Variants in GAS7 observed in about 807,000 individuals in gnomAD.
GAS7 encodes the protein growth arrest specific 7, also known as growth arrest-specific protein 7.
A neutral mutation model predicts 71.1 loss-of-function variants in GAS7; 28 were observed. The ratio of observed to expected loss-of-function variants is 0.39; its 90% CI spans 0.29 to 0.54. GAS7 has a LOEUF of 0.54. GAS7 is among the 20% of genes least tolerant of loss of function. The pLI, the probability that GAS7 is intolerant of heterozygous loss-of-function variation, is 0.62. For missense variants in GAS7, 436 were observed against 627.8 expected (o/e 0.69, Z 3.27); for synonymous variants, 258 against 245.8 (o/e 1.05, Z -0.46).
intron 1 of GAS7, among the ~76,000 whole-genome samples, chr17:10,072,683 C>T (rs1328652629): frequency 1.3e-5 from 2 of 152,160 alleles, no homozygotes; most frequent in South Asian, 4.1e-4. Context: ...ACAACCCTAC[C>T]CCGATCCACA....
intron 1 of GAS7, chr17:10,036,517 C>A (rs2072755729): frequency 2.5e-6 from 4 of 1,608,392 alleles, no homozygotes; most frequent in South Asian, 1.1e-5. Flanking sequence ...AGACTCAGCA[C>A]CAAGACTCCG....
chr17:9,960,129 T>TA (rs895652344), intron 4 of GAS7, among the ~76,000 whole-genome samples: 4 of 151,946 alleles, frequency 2.6e-5, no homozygotes, highest in Non-Finnish European at 5.9e-5. Flanking sequence ...GAAGCAGGCT[T>TA]ACCCCTAAGG....
intron 3 of GAS7, among the ~76,000 whole-genome samples, chr17:9,971,539 CA>C (rs1344890536): frequency 6.6e-6 from 1 of 152,090 alleles, no homozygotes; most frequent in African/African-American, 2.4e-5. Context: ...CACTCCAGCC[CA>C]CACTTCAGAG....
In GAS7 at chr17:9,981,778, G is replaced by T; in HGVS notation, c.385+26C>A. On this transcript the variant is annotated intron_variant, in intron 3 of 13. Coordinates refer to ENST00000432992, the MANE Select transcript of GAS7 (RefSeq NM_201433.2). The surrounding 1 kb of genome is among the most constrained non-coding windows in gnomAD (Gnocchi z 4.4). ...ATGTGGCATCAGGGCCCTCCCAGTT[G>T]CCCCAAAGCAGACAGCGGACATTAC... 3.0e-6 allele frequency: 4 copies of T among 1,326,298 alleles called. No individual in the cohort carries two copies. Among genetic ancestry groups the T allele is most frequent in the Non-Finnish European group, 4.4e-6 (4 of 917,626 alleles). The allele number at this position is 1,326,298 out of a possible 1,614,324, so 82.2% of individuals were successfully genotyped here.
intron 1 of GAS7, among the ~76,000 whole-genome samples, chr17:10,128,503 C>T (rs1016773801): frequency 6.6e-6 from 1 of 152,204 alleles, no homozygotes. Flanking sequence ...CAAATGCCTC[C>T]CCCTCTCACC....
chr17:10,158,348 A>AAAAAAAAAC (rs1567614084), intron 1 of GAS7, among the ~76,000 whole-genome samples: 1 of 146,244 alleles, frequency 6.8e-6, no homozygotes, highest in East Asian at 2.0e-4. Context: ...AAAAAAAAAA[A>AAAAAAAAAC]AAAAAAAAAA....
At chr17:10,049,609 C>CT (rs1168627510) in intron 1 of GAS7, among the ~76,000 whole-genome samples, 3,579 of 70,362 alleles carry the variant, frequency 0.051, 1,011 homozygotes, top group East Asian at 0.11. Flanking sequence ...GAAATTACTT[C>CT]TTTTTTTTTT....
intron 2 of GAS7, among the ~76,000 whole-genome samples, chr17:10,016,601 CCA>C (rs1567542404): frequency 3.5e-5 from 2 of 57,136 alleles, no homozygotes; most frequent in South Asian, 1.1e-3. Flanking sequence ...CCTGTCTCTA[CCA>C]AAAAAAAAAA....
intron 9 of GAS7, among the ~76,000 whole-genome samples, chr17:9,930,268 T>C (rs979464186): frequency 6.6e-5 from 10 of 152,244 alleles, no homozygotes; most frequent in Admixed American, 2.6e-4. Flanking sequence ...AGGTTCTGAA[T>C]GCTCACATAA....
intron 1 of GAS7, among the ~76,000 whole-genome samples, chr17:10,024,583 G>A (rs2072395490): frequency 6.6e-6 from 1 of 152,078 alleles, no homozygotes; most frequent in Non-Finnish European, 1.5e-5. Context: ...CCTAATACAG[G>A]GTGTCTTTGT....
intron 2 of GAS7, among the ~76,000 whole-genome samples, chr17:10,016,752 AAT>A (rs2072036982): frequency 1.8e-4 from 1 of 5,700 alleles, no homozygotes; most frequent in African/African-American, 2.9e-3. Flanking sequence ...CTCTACAAAA[AAT>A]AATAATAATA....
At chr17:10,013,888 G>A (rs1426857031) in intron 2 of GAS7, among the ~76,000 whole-genome samples, 2 of 152,076 alleles carry the variant, frequency 1.3e-5, no homozygotes, top group African/African-American at 2.4e-5. Flanking sequence ...GCAAGGCCCC[G>A]GGTGATCTTC....
At position 10,198,255 on chromosome 17, in the gene GAS7, C is replaced by T. The variant is rs545707468; in HGVS notation, c.136G>A (p.Asp46Asn). 3.1e-5 allele frequency: 50 copies of T among 1,607,536 alleles called. 2 individuals are homozygous for T. The South Asian group carries it at 4.9e-4, about 16-fold the overall frequency. ...GCCGGGAACCAGCCACGGAGCCCGT[C>T]CTCCTTCTCGCCTTCCCACCAGCCG... ...DGGWWEGEKE[D>N]GLRGWFPASY... The change falls in exon 1 of 14, where the codon GAC (aspartate) becomes AAC (asparagine). Residue 46 changes from aspartate to asparagine, a missense_variant. Transcript: ENST00000432992.
chr17:10,157,035 G>A (rs946484438), intron 1 of GAS7, among the ~76,000 whole-genome samples: 13 of 152,070 alleles, frequency 8.5e-5, no homozygotes, highest in Non-Finnish European at 1.9e-4. Context: ...TTCACAAAAT[G>A]ACATCTGAGA....
chr17:10,193,552 C>T (rs1230886858), intron 1 of GAS7, among the ~76,000 whole-genome samples: 2 of 152,150 alleles, frequency 1.3e-5, no homozygotes, highest in Non-Finnish European at 2.9e-5. Context: ...GTGGCAGAAA[C>T]GATATGCCAG....
intron 1 of GAS7, among the ~76,000 whole-genome samples, chr17:10,174,548 C>A (rs886163470): frequency 1.4e-4 from 22 of 152,020 alleles, no homozygotes; most frequent in Non-Finnish European, 2.9e-4. Flanking sequence ...AAAAATTAGC[C>A]GGGCGCAGTG....
At chr17:10,155,139 C>T (rs1225000524) in intron 1 of GAS7, among the ~76,000 whole-genome samples, 9 of 152,004 alleles carry the variant, frequency 5.9e-5, no homozygotes, top group African/African-American at 2.2e-4. Context: ...CTCAGCCTCC[C>T]GAGTACCTGG....
intron 1 of GAS7, among the ~76,000 whole-genome samples, chr17:10,161,442 C>A (rs930184148): frequency 6.6e-6 from 1 of 152,208 alleles, no homozygotes; most frequent in Non-Finnish European, 1.5e-5. Flanking sequence ...AGTGTCGTTA[C>A]CAGAAGAAGG....
chr17:10,128,902 C>T (rs922829648), intron 1 of GAS7, among the ~76,000 whole-genome samples: 11 of 152,300 alleles, frequency 7.2e-5, no homozygotes, highest in Admixed American at 6.5e-4. Context: ...GGATTACAGG[C>T]GTGAGTCACT....
Sources: allele counts gnomAD v4.1 joint callset (sites outside exome capture counted in the v4.1 genomes callset), GRCh38; gene constraint gnomAD v4.1.1; non-coding constraint Gnocchi (gnomAD v3.1); transcripts MANE v1.5; gene names NCBI Gene and HGNC (gene_info 2026-07-23, HGNC 2026-07-21).